Variants in CCSER1 observed in about 807,000 individuals in gnomAD.
CCSER1 encodes the protein coiled-coil serine rich protein 1.
Under a neutral mutation model 82.0 loss-of-function variants are expected in CCSER1, and 41 were observed. The ratio of observed to expected loss-of-function variants is 0.50; its 90% CI spans 0.39 to 0.65. CCSER1 has a LOEUF of 0.65. CCSER1 is among the 30% of genes least tolerant of loss of function. The pLI, the probability that CCSER1 is intolerant of heterozygous loss-of-function variation, is 0.00. For synonymous variants in CCSER1, 414 were observed against 383.9 expected (o/e 1.08, Z -0.92); for missense variants, 1,119 against 1,064.2 (o/e 1.05, Z -0.72).
intron 9 of CCSER1, 199 bp downstream of exon 9, chr4:90,923,646 A>G: frequency 2.2e-6 from 1 of 450,386 alleles, no homozygotes; most frequent in Non-Finnish European, 4.0e-6. Context: ...TGGCATACCA[A>G]TGCCTTATTA....
intron 6 of CCSER1, among the ~76,000 whole-genome samples, chr4:90,672,437 A>G (rs933915977): frequency 2.6e-5 from 4 of 151,922 alleles, no homozygotes; most frequent in African/African-American, 7.2e-5. Context: ...TTTAGCCTTC[A>G]TAGAATTGAA....
At chr4:90,165,627 GAC>G (rs1324132089) in intron 1 of CCSER1, among the ~76,000 whole-genome samples, 1 of 152,024 alleles carries the variant, frequency 6.6e-6, no homozygotes, top group Non-Finnish European at 1.5e-5. Context: ...TATTGGAAAA[GAC>G]AGATGTGTAA....
chr4:90,427,556 ACTAT>A (rs1757697436), intron 4 of CCSER1, among the ~76,000 whole-genome samples: 1 of 151,626 alleles, frequency 6.6e-6, no homozygotes, highest in Non-Finnish European at 1.5e-5. Flanking sequence ...TTTGTCATTC[ACTAT>A]CTAATTGTTG....
At chr4:91,100,915 C>T (rs1490655010) in intron 10 of CCSER1, among the ~76,000 whole-genome samples, 4 of 152,122 alleles carry the variant, frequency 2.6e-5, no homozygotes, top group Admixed American at 6.5e-5. Flanking sequence ...AAAAAAATAA[C>T]AGTACACTCA....
intron 10 of CCSER1, among the ~76,000 whole-genome samples, chr4:91,572,474 A>C (rs1763232146): frequency 6.6e-6 from 1 of 152,130 alleles, no homozygotes; most frequent in African/African-American, 2.4e-5. Context: ...GGTTGCCTCA[A>C]ACACTTCGAT....
Position 91,204,590 on chromosome 4 carries a change from G to A in CCSER1, c.2217+118596G>A, listed in dbSNP as rs1004171182. 2.6e-5 allele frequency among the ~76,000 whole-genome samples: 4 copies of A among 151,760 alleles called. No homozygotes were observed. The East Asian group carries it at 7.7e-4, about 29-fold the overall frequency. ...TCAAGCCTTTAAAACTATCTTGCAA[G>A]ATATAAATGTTTTGCTTTATACTAG... On this transcript the variant is annotated intron_variant, in intron 10 of 10. Coordinates refer to ENST00000509176, the MANE Select transcript of CCSER1 (RefSeq NM_001145065.2).
chr4:90,257,308 TA>T (rs1326657801), intron 1 of CCSER1, among the ~76,000 whole-genome samples: 3 of 152,148 alleles, frequency 2.0e-5, no homozygotes, highest in Admixed American at 2.0e-4. Context: ...CTTATGATTC[TA>T]GGACAGGGAC....
At chr4:90,838,915 T>G in intron 8 of CCSER1, 1 of 1,613,436 alleles carries the variant, frequency 6.2e-7, no homozygotes, top group Non-Finnish European at 8.5e-7. Context: ...ACGATTCGCC[T>G]GCTTGCTTCT....
intron 10 of CCSER1, among the ~76,000 whole-genome samples, chr4:91,371,620 T>C (rs909227554): frequency 6.6e-6 from 1 of 152,120 alleles, no homozygotes; most frequent in Non-Finnish European, 1.5e-5. Context: ...CTACTGTGGA[T>C]AGTGCTTCAA....
intron 1 of CCSER1, among the ~76,000 whole-genome samples, chr4:90,164,804 A>G (rs941294038): frequency 6.6e-6 from 1 of 152,094 alleles, no homozygotes; most frequent in Non-Finnish European, 1.5e-5. Context: ...ACCCATACCC[A>G]TAGACTACTC....
intron 10 of CCSER1, among the ~76,000 whole-genome samples, chr4:91,145,090 T>A (rs966025644): frequency 2.6e-5 from 4 of 152,102 alleles, no homozygotes; most frequent in Non-Finnish European, 5.9e-5. Flanking sequence ...TGTGTCTGTC[T>A]AAGTCTTTTT....
intron 9 of CCSER1, among the ~76,000 whole-genome samples, chr4:91,066,645 A>G (rs188738510): frequency 1.3e-5 from 2 of 152,322 alleles, no homozygotes; most frequent in African/African-American, 4.8e-5. Flanking sequence ...GACATCATAT[A>G]TAATAGGGAC....
At chr4:90,661,435 T>G (rs987182569) in intron 6 of CCSER1, among the ~76,000 whole-genome samples, 1 of 152,144 alleles carries the variant, frequency 6.6e-6, no homozygotes, top group Non-Finnish European at 1.5e-5. Flanking sequence ...TTTATATATA[T>G]GCTACTAGAA....
At chr4:90,321,876 A>G (rs1737206016) in intron 3 of CCSER1, among the ~76,000 whole-genome samples, 1 of 152,058 alleles carries the variant, frequency 6.6e-6, no homozygotes, top group Non-Finnish European at 1.5e-5. Flanking sequence ...TTAGCTGCTT[A>G]TATATTCTGA....
chr4:90,916,836 A>G (rs548469027), intron 8 of CCSER1, among the ~76,000 whole-genome samples: 111 of 152,326 alleles, frequency 7.3e-4, no homozygotes, highest in African/African-American at 2.6e-3. Context: ...GAACAACCCC[A>G]TCAAAAAGTG....
intron 7 of CCSER1, among the ~76,000 whole-genome samples, chr4:90,796,991 G>A (rs115218971): frequency 0.058 from 8,882 of 152,148 alleles, 300 homozygotes; most frequent in East Asian, 0.15. Flanking sequence ...TTCTGTAGAT[G>A]TCTATTAGAT....
intron 3 of CCSER1, among the ~76,000 whole-genome samples, chr4:90,356,674 T>G (rs970693492): frequency 7.9e-5 from 12 of 151,850 alleles, no homozygotes; most frequent in African/African-American, 2.9e-4. Context: ...ACGATCTTTA[T>G]TTTTGTTGCA....
At chr4:90,998,268 C>T (rs904499042) in intron 9 of CCSER1, among the ~76,000 whole-genome samples, 1 of 152,048 alleles carries the variant, frequency 6.6e-6, no homozygotes, top group African/African-American at 2.4e-5. Flanking sequence ...TTAGTAGAGA[C>T]GGGGTTTCTC....
chr4:90,284,164 TTTTC>T (rs777404490), intron 1 of CCSER1, among the ~76,000 whole-genome samples: 6 of 152,044 alleles, frequency 3.9e-5, no homozygotes, highest in Admixed American at 2.0e-4. Flanking sequence ...ATTGTATTAT[TTTTC>T]TTATTACATT....
Sources: allele counts gnomAD v4.1 joint callset (sites outside exome capture counted in the v4.1 genomes callset), GRCh38; gene constraint gnomAD v4.1.1; transcripts MANE v1.5; gene names NCBI Gene and HGNC (gene_info 2026-07-23, HGNC 2026-07-21).